LRRC8C: variants seen among roughly 807,000 people sequenced by gnomAD.
LRRC8C encodes the protein volume-regulated anion channel subunit LRRC8C.
LRRC8C carries 20 observed loss-of-function variants against 55.3 expected under a neutral mutation model. The observed-to-expected ratio is 0.36, with a 90% confidence interval of 0.25 to 0.53. The LOEUF is 0.53. Among genes scored for constraint, LRRC8C ranks in the 20% least tolerant of loss-of-function variants. The pLI, the probability that LRRC8C is intolerant of heterozygous loss-of-function variation, is 0.92. For synonymous variants in LRRC8C, 376 were observed against 360.7 expected, an observed-to-expected ratio of 1.04 and a Z score of -0.48; for missense variants, 659 against 951.4, an observed-to-expected ratio of 0.69 and a Z score of 4.04.
chr1:89,653,755 C>T (rs1453914530), intron 1 of LRRC8C, among the ~76,000 whole-genome samples: 1 of 152,062 alleles, frequency 6.6e-6, no homozygotes, highest in Non-Finnish European at 1.5e-5. Context: ...AGGTTTTGAC[C>T]CAGAGGACCT....
intron 2 of LRRC8C, among the ~76,000 whole-genome samples, chr1:89,702,452 G>A (rs1658358751): frequency 1.3e-5 from 2 of 152,028 alleles, no homozygotes; most frequent in Admixed American, 1.3e-4. Flanking sequence ...TAAAAAGTAG[G>A]GGCCGGGTAC....
chr1:89,660,549 A>G (rs1657090203), intron 1 of LRRC8C, among the ~76,000 whole-genome samples: 1 of 152,190 alleles, frequency 6.6e-6, no homozygotes, highest in Non-Finnish European at 1.5e-5. Flanking sequence ...GATGTTCCCT[A>G]ATAAATTTCA....
At chr1:89,634,893 C>T (rs1656235784) in intron 1 of LRRC8C, among the ~76,000 whole-genome samples, 1 of 152,088 alleles carries the variant, frequency 6.6e-6, no homozygotes, top group Non-Finnish European at 1.5e-5. Context: ...GGATGTAGGG[C>T]AGTTTTGCAA....
At chr1:89,694,635 G>T (rs13374252) in intron 2 of LRRC8C, among the ~76,000 whole-genome samples, 1 of 139,132 alleles carries the variant, frequency 7.2e-6, no homozygotes, top group African/African-American at 2.7e-5. Flanking sequence ...TGTCACCCAG[G>T]CTGGAATGTG....
intron 1 of LRRC8C, among the ~76,000 whole-genome samples, chr1:89,639,801 G>A (rs1656405717): frequency 6.6e-6 from 1 of 152,102 alleles, no homozygotes; most frequent in Non-Finnish European, 1.5e-5. Context: ...TTACCTATTT[G>A]GAGTATATCC....
At chr1:89,709,755 G>GA (rs1658593443) in intron 2 of LRRC8C, among the ~76,000 whole-genome samples, 1 of 134,410 alleles carries the variant, frequency 7.4e-6, no homozygotes, top group African/African-American at 2.8e-5. Context: ...TTTTTTGTTT[G>GA]TTTTTTTTTT....
chr1:89,713,982 A>C lies in LRRC8C; in HGVS notation c.1412A>C (p.Glu471Ala). ...ATTGCACAGCTAGACAATCTTCAAGAGCTCTCTCTGCACCAGTGTTCTGTC... is the reference window on the plus strand; with the variant it reads ...ATTGCACAGCTAGACAATCTTCAAGCGCTCTCTCTGCACCAGTGTTCTGTC... Reference protein sequence around the residue: ...ATIAQLDNLQELSLHQCSVKI... With the variant: ...ATIAQLDNLQALSLHQCSVKI... Residue 471 changes from glutamate (E) to alanine (A), a missense_variant, in exon 3 of 3, where the codon GAG (glutamate) becomes GCG (alanine). By Grantham distance (107) the Glu-to-Ala change is moderately radical. This residue lies in a region of LRRC8C where 344 missense variants were observed against 464.6 expected (regional missense o/e 0.74). Transcript: ENST00000370454. The surrounding 1 kb of genome is among the most constrained non-coding windows in gnomAD (Gnocchi z 5.2). 1.2e-6 allele frequency: 2 copies of C among 1,613,306 alleles called. No individual in the cohort carries two copies. The highest frequency in any genetic ancestry group is 1.7e-6 in the Non-Finnish European group (2 of 1,180,014).
At chr1:89,632,374 G>A (rs1656130683), upstream of LRRC8C, among the ~76,000 whole-genome samples, 1 of 152,176 alleles carries the variant, frequency 6.6e-6, no homozygotes, top group Non-Finnish European at 1.5e-5. Flanking sequence ...AGTCTCCCTG[G>A]AATCTGCCCC....
intron 1 of LRRC8C, among the ~76,000 whole-genome samples, chr1:89,678,793 C>A (rs1411836040): frequency 6.6e-6 from 1 of 151,746 alleles, no homozygotes; most frequent in Non-Finnish European, 1.5e-5. Flanking sequence ...AAGGATGACT[C>A]CAAGATTTGT....
the LRRC8C span, among the ~76,000 whole-genome samples, chr1:89,621,452 G>A: frequency 6.6e-6 from 1 of 152,202 alleles, no homozygotes; most frequent in African/African-American, 2.4e-5. Flanking sequence ...GGGCGACAGA[G>A]CGAGACACCA....
upstream of LRRC8C, chr1:89,632,827 A>T (rs765930626): frequency 2.6e-5 from 4 of 152,376 alleles, no homozygotes; most frequent in African/African-American, 4.8e-5. Flanking sequence ...CGTGAAGCGG[A>T]GAGAGGATTT....
chr1:89,635,895 T>C (rs974337609), intron 1 of LRRC8C, among the ~76,000 whole-genome samples: 3 of 152,228 alleles, frequency 2.0e-5, no homozygotes, highest in African/African-American at 7.2e-5. Flanking sequence ...TCTGGAGTGT[T>C]GACTGTATCT....
At chr1:89,708,327 C>T (rs74715805) in intron 2 of LRRC8C, among the ~76,000 whole-genome samples, 1 of 152,112 alleles carries the variant, frequency 6.6e-6, no homozygotes, top group East Asian at 1.9e-4. Flanking sequence ...TCCAAGCACT[C>T]TGTCTTAGTC....
At chr1:89,640,304 C>T (rs1480462051) in intron 1 of LRRC8C, among the ~76,000 whole-genome samples, 1 of 152,202 alleles carries the variant, frequency 6.6e-6, no homozygotes, top group Non-Finnish European at 1.5e-5. Context: ...ACCCCATGAT[C>T]CACCCACCTC....
intron 2 of LRRC8C, among the ~76,000 whole-genome samples, chr1:89,701,638 A>C (rs1051983466): frequency 2.0e-5 from 3 of 152,210 alleles, no homozygotes; most frequent in Non-Finnish European, 4.4e-5. Flanking sequence ...CTTGTGTGGC[A>C]CTACCCAAGC....
chr1:89,663,509 G>A (rs959331568), intron 1 of LRRC8C, among the ~76,000 whole-genome samples: 18 of 151,340 alleles, frequency 1.2e-4, no homozygotes, highest in Non-Finnish European at 1.9e-4. Context: ...GGCAGAGCTT[G>A]CAGTGAGCCG....
chr1:89,669,211 G>C (rs556681940), intron 1 of LRRC8C, among the ~76,000 whole-genome samples: 2 of 152,040 alleles, frequency 1.3e-5, no homozygotes, highest in Non-Finnish European at 2.9e-5. Flanking sequence ...GATTCCATAT[G>C]TGAAGTATCT....
At chr1:89,640,706 A>G (rs556299283) in intron 1 of LRRC8C, among the ~76,000 whole-genome samples, 60 of 152,318 alleles carry the variant, frequency 3.9e-4, no homozygotes, top group Non-Finnish European at 7.1e-4. Flanking sequence ...GTGATTATCA[A>G]CTGAGGAAGT....
intron 2 of LRRC8C, among the ~76,000 whole-genome samples, chr1:89,709,059 A>G (rs1421332352): frequency 1.3e-5 from 2 of 152,346 alleles, no homozygotes; most frequent in African/African-American, 4.8e-5. Flanking sequence ...AAATATCTTC[A>G]TGAAGGAATG....
Sources: gnomAD v4.1 joint callset for allele counts (sites outside exome capture counted in the v4.1 genomes callset) on GRCh38, gnomAD v4.1.1 for gene constraint, gnomAD v4.1.1 regional missense constraint, Gnocchi (gnomAD v3.1) non-coding constraint, MANE v1.5 for transcripts, NCBI Gene and HGNC (gene_info 2026-07-23, HGNC 2026-07-21) for gene names.